TCP10L: variants seen among roughly 807,000 people sequenced by gnomAD.
TCP10L encodes the protein t-complex 10 like.
In TCP10L, 11 loss-of-function variants were observed where a neutral mutation model predicts 19.2. The observed-to-expected ratio is 0.57, with a 90% CI of 0.36 to 0.95. The LOEUF is 0.95. TCP10L is among the 40% of genes least tolerant of loss of function. The pLI is 0.01. For missense variants in TCP10L, 247 were observed against 263.9 expected (o/e 0.94, Z 0.44); for synonymous variants, 96 against 97.2 (o/e 0.99, Z 0.07).
intron 3 of TCP10L, among the ~76,000 whole-genome samples, chr21:32,581,539 C>T (rs759166843): frequency 5.9e-5 from 9 of 152,176 alleles, no homozygotes; most frequent in Non-Finnish European, 1.2e-4. Flanking sequence ...GAAACATTCA[C>T]CCCCAGACAC....
At chr21:32,580,252 C>T (rs1025008381) in intron 3 of TCP10L, among the ~76,000 whole-genome samples, 3 of 151,876 alleles carry the variant, frequency 2.0e-5, no homozygotes, top group Non-Finnish European at 4.4e-5. Context: ...ACTATAGGCA[C>T]CCGCCACCAC....
rs574064611 is a variant in TCP10L, at chr21:32,574,776, T to C, written c.*1998A>G. 6.2e-6 allele frequency: 1 copy of C among 162,048 alleles called. No individual in the cohort carries two copies. Among genetic ancestry groups the C allele is most frequent in the African/African-American group, 2.4e-5 (1 of 41,604 alleles). 10.0% of individuals were successfully genotyped at this position (162,048 alleles called of 1,614,324 possible). A position where few individuals can be genotyped will look rare whatever the true frequency, so the allele number is the denominator to read the frequency against. Reference sequence around the variant, plus strand: ...GCTAAATTCAATTTAAGCAAACGTGTGAACACATTCTTTCTTGTTCATGAG... The same window carrying C: ...GCTAAATTCAATTTAAGCAAACGTGCGAACACATTCTTTCTTGTTCATGAG... On this transcript the variant is annotated 3_prime_UTR_variant, in exon 5 of 5. Coordinates refer to ENST00000300258, the MANE Select transcript of TCP10L (RefSeq NM_144659.7).
At chr21:32,581,971 G>A (rs2038499421) in intron 3 of TCP10L, among the ~76,000 whole-genome samples, 1 of 152,146 alleles carries the variant, frequency 6.6e-6, no homozygotes, top group Non-Finnish European at 1.5e-5. Context: ...CACACGGCCT[G>A]GGGGCGGCAA....
chr21:32,578,673 A>G lies in TCP10L; in HGVS notation c.498+21T>C. ...ACAGAACCTCTGCTTCTCTTTACAG[A>G]TGATAAGCACAAAGGGTCACCTTTG... On this transcript the variant is annotated intron_variant, in intron 4 of 4. Transcript: ENST00000300258. This position sits in a 1 kb window ranked among gnomAD's most constrained non-coding sequence, Gnocchi z 4.2. The G allele has an allele frequency of 6.2e-7, 1 of 1,607,598 alleles. No homozygotes were observed. Among genetic ancestry groups the G allele is most frequent in the South Asian group, 1.1e-5 (1 of 89,558 alleles).
chr21:32,576,073 G>A lies in TCP10L; in HGVS notation c.*701C>T. On this transcript the variant is annotated 3_prime_UTR_variant, in exon 5 of 5. Transcript: ENST00000300258. The stretch of plus-strand genomic sequence containing the variant: ...AGGTGAGGACCCAACGAGGGAATCA[G>A]ACAAAAAGTGGCCACAAATTAGGCA... The A allele has an allele frequency of 3.9e-6, 2 of 515,506 alleles. No homozygotes were observed. The highest frequency in any genetic ancestry group is 6.7e-6 in the Non-Finnish European group (2 of 296,612). 31.9% of individuals were successfully genotyped at this position (515,506 alleles called of 1,614,324 possible). A position where few individuals can be genotyped will look rare whatever the true frequency, so the allele number is the denominator to read the frequency against.
chr21:32,576,523 C>G lies in TCP10L; in HGVS notation c.*251G>C. ...TAAAGACTCTGCAGAAATATACCAACTACAGAGCTCAGGAAAGCAACTGAT... is the reference window on the plus strand; with the variant it reads ...TAAAGACTCTGCAGAAATATACCAAGTACAGAGCTCAGGAAAGCAACTGAT... On this transcript the variant is annotated 3_prime_UTR_variant, in exon 5 of 5. Coordinates refer to ENST00000300258, the MANE Select transcript of TCP10L (RefSeq NM_144659.7). 1.6e-6 allele frequency: 1 copy of G among 607,904 alleles called. No individual in the cohort carries two copies. The highest frequency in any genetic ancestry group is 1.8e-5 in the African/African-American group (1 of 54,062). 37.7% of individuals were successfully genotyped at this position (607,904 alleles called of 1,614,324 possible).
At position 32,585,181 on chromosome 21, in the gene TCP10L, G is replaced by A. The variant is rs75806659; in HGVS notation, c.-2+240C>T. 2.6e-3 allele frequency among the ~76,000 whole-genome samples: 391 copies of A among 152,290 alleles called. 1 individual carries two copies. The highest frequency in any genetic ancestry group is 9.0e-3 in the African/African-American group (372 of 41,560). ...TAAAAGAGAGTCTCCTGATGGAAGC[G>A]AATCGAAGGTCTAGAGCAAGACCTA... On this transcript the variant is annotated intron_variant, in intron 1 of 4. Transcript: ENST00000300258.
Position 32,582,557 on chromosome 21 carries a change from C to G in TCP10L, c.145-142G>C, listed in dbSNP as rs1470798813. On this transcript the variant is annotated intron_variant, in intron 2 of 4. Transcript: ENST00000300258. The surrounding 1 kb of genome is among the most constrained non-coding windows in gnomAD (Gnocchi z 4.2). ...ACACCCGATGAGATAAACAGGACTA[C>G]CACAGCCTTTTTCTTTCTTCTTTCT... 1 of 690,932 alleles carries G rather than the reference C, an allele frequency of 1.4e-6. No individual in the cohort carries two copies. Among genetic ancestry groups the G allele is most frequent in the African/African-American group, 1.8e-5 (1 of 54,082 alleles). The allele number at this position is 690,932 out of a possible 1,614,324, so 42.8% of individuals were successfully genotyped here.
rs745580109 is a variant in TCP10L, at chr21:32,576,795, T to C, written c.627A>G (p.Ala209=). Residue 209 remains alanine, a synonymous_variant, in exon 5 of 5, where the codon GCA becomes GCG. Coordinates refer to ENST00000300258, the MANE Select transcript of TCP10L (RefSeq NM_144659.7). Reference sequence around the variant, plus strand: ...ATCTTCAGACACCCCCCCGTCTCTCTGCACAGGGAGTTGGCCTTCCAGTAG... The same window carrying C: ...ATCTTCAGACACCCCCCCGTCTCTCCGCACAGGGAGTTGGCCTTCCAGTAG... ...ATPTGRPTPC[A]ERRGGV is the part of the protein sequence containing the mutation. 1.9e-6 allele frequency: 3 copies of C among 1,613,832 alleles called. No homozygotes were observed. Among genetic ancestry groups the C allele is most frequent in the Middle Eastern group, 1.7e-4 (1 of 6,060 alleles).
rs1048497878 is a variant in TCP10L, at chr21:32,578,414, G to A, written c.498+280C>T. Among the ~76,000 whole-genome samples, 14 of 152,210 alleles carry A rather than the reference G, an allele frequency of 9.2e-5. No homozygotes were observed. Among genetic ancestry groups the A allele is most frequent in the Admixed American group, 3.9e-4 (6 of 15,280 alleles). Reference sequence around the variant, plus strand: ...CGCAGCCTGCACCCACGGAAACAAAGCCCCCAAGTCCCCTCGGCCCCAGCC... The same window carrying A: ...CGCAGCCTGCACCCACGGAAACAAAACCCCCAAGTCCCCTCGGCCCCAGCC... On this transcript the variant is annotated intron_variant, in intron 4 of 4. Transcript: ENST00000300258. This position sits in a 1 kb window ranked among gnomAD's most constrained non-coding sequence, Gnocchi z 4.2.
At chr21:32,580,661 G>A (rs1235361144) in intron 3 of TCP10L, among the ~76,000 whole-genome samples, 1 of 152,194 alleles carries the variant, frequency 6.6e-6, no homozygotes, top group African/African-American at 2.4e-5. Context: ...GGGTGTTCAT[G>A]TGGTTTCATG....
At chr21:32,579,103 C>T (rs2038465380) in intron 3 of TCP10L, among the ~76,000 whole-genome samples, 1 of 152,230 alleles carries the variant, frequency 6.6e-6, no homozygotes, top group Non-Finnish European at 1.5e-5. Flanking sequence ...GGCTACAGAA[C>T]AAACAATCCC....
intron 1 of TCP10L, among the ~76,000 whole-genome samples, chr21:32,584,821 A>C (rs1422375848): frequency 6.6e-6 from 1 of 152,142 alleles, no homozygotes; most frequent in Non-Finnish European, 1.5e-5. Flanking sequence ...GGGCACAGGC[A>C]GACCCTCCAC....
At position 32,578,960 on chromosome 21, in the gene TCP10L, G is replaced by T. The variant is rs1357019626; in HGVS notation, c.361-129C>A. ...GTACAAGGTAGGGGGACTTGGACTG[G>T]GTTTTCCCCCTAATATGTTGATAAG... On this transcript the variant is annotated intron_variant, in intron 3 of 4. Transcript: ENST00000300258. The surrounding 1 kb of genome is among the most constrained non-coding windows in gnomAD (Gnocchi z 4.2). 4 of 1,443,146 alleles carry T rather than the reference G, an allele frequency of 2.8e-6. No individual in the cohort carries two copies. The highest frequency in any genetic ancestry group is 3.7e-6 in the Non-Finnish European group (4 of 1,075,328). The allele number at this position is 1,443,146 out of a possible 1,614,324, so 89.4% of individuals were successfully genotyped here.
Position 32,578,333 on chromosome 21 carries a change from G to A in TCP10L, c.498+361C>T, listed in dbSNP as rs925606201. Among the ~76,000 whole-genome samples, 6 of 152,346 alleles carry A rather than the reference G, an allele frequency of 3.9e-5. No homozygotes were observed. Among genetic ancestry groups the A allele is most frequent in the Non-Finnish European group, 7.3e-5 (5 of 68,030 alleles). On this transcript the variant is annotated intron_variant, in intron 4 of 4. Transcript: ENST00000300258. The surrounding 1 kb of genome is among the most constrained non-coding windows in gnomAD (Gnocchi z 4.2). ...ACCGCAGTGCAGAAGCAGGGAGCAC[G>A]GGAGGCTGCGAGCCCTCAGACTCAC...
chr21:32,580,476 CTG>C (rs3056366), intron 3 of TCP10L, among the ~76,000 whole-genome samples: 11,798 of 136,990 alleles, frequency 0.086, 459 homozygotes, highest in Non-Finnish European at 0.1. Flanking sequence ...CGGTGGGTGC[CTG>C]TGTGTGTGTG....
chr21:32,578,913 G>T lies in TCP10L; in HGVS notation c.361-82C>A. ...ATTTTAATACAATGAAGAATAATTG[G>T]AATGTCCTAGAAAAAAATAGGGTAC... On this transcript the variant is annotated intron_variant, in intron 3 of 4. Transcript: ENST00000300258. This position sits in a 1 kb window ranked among gnomAD's most constrained non-coding sequence, Gnocchi z 4.2. 1 of 1,598,472 alleles carries T rather than the reference G, an allele frequency of 6.3e-7. No individual in the cohort carries two copies. The highest frequency in any genetic ancestry group is 1.1e-5 in the South Asian group (1 of 88,652).
rs1568977700 is a variant in TCP10L at position 32,574,326 on chromosome 21, C to T, written c.*2448G>A. On this transcript the variant is annotated 3_prime_UTR_variant, in exon 5 of 5. Coordinates refer to ENST00000300258, the MANE Select transcript of TCP10L (RefSeq NM_144659.7). ...CTCTTAAGCCATGAAAAATATTAAT[C>T]CTGTTTGACTATGTGCTAAATGCAA... Among the ~76,000 whole-genome samples the T allele has an allele frequency of 6.6e-6, 1 of 152,132 alleles. No individual in the cohort carries two copies. The highest frequency in any genetic ancestry group is 1.5e-5 in the Non-Finnish European group (1 of 68,014).
chr21:32,575,039 G>A lies in TCP10L; in HGVS notation c.*1735C>T, dbSNP rs1450121605. On this transcript the variant is annotated 3_prime_UTR_variant, in exon 5 of 5. Coordinates refer to ENST00000300258, the MANE Select transcript of TCP10L (RefSeq NM_144659.7). Reference sequence around the variant, plus strand: ...GCTTACGGGACCTATGAAGGGCCACGGGCCATTGTGAAGGAGCACCACAGG... The same window carrying A: ...GCTTACGGGACCTATGAAGGGCCACAGGCCATTGTGAAGGAGCACCACAGG... 1 of 152,210 alleles carries A rather than the reference G, an allele frequency of 6.6e-6. No individual in the cohort carries two copies. Among genetic ancestry groups the A allele is most frequent in the African/African-American group, 2.4e-5 (1 of 41,450 alleles). The allele number at this position is 152,210 out of a possible 1,614,324, so 9.4% of individuals were successfully genotyped here.
Sources: gnomAD v4.1 joint callset for allele counts (sites outside exome capture counted in the v4.1 genomes callset) on GRCh38, gnomAD v4.1.1 for gene constraint, Gnocchi (gnomAD v3.1) non-coding constraint, MANE v1.5 for transcripts, NCBI Gene and HGNC (gene_info 2026-07-23, HGNC 2026-07-21) for gene names.